The following STT3B variants were observed in gnomAD, a reference collection of about 807,000 sequenced individuals.
STT3B encodes dolichyl-diphosphooligosaccharide--protein glycosyltransferase subunit STT3B.
In STT3B, 29 loss-of-function variants were observed where a neutral mutation model predicts 96.8. That is an observed-to-expected ratio of 0.30 (90% confidence interval 0.22 to 0.41). STT3B has a LOEUF of 0.41. STT3B is among the 10% of genes least tolerant of loss of function. STT3B has a pLI of 1.00. For synonymous variants in STT3B, 367 were observed against 360.0 expected (o/e 1.02, Z -0.22); for missense variants, 640 against 1,022.3 (o/e 0.63, Z 5.10).
At chr3:31,545,376 T>C (rs1697380955) in intron 1 of STT3B, among the ~76,000 whole-genome samples, 1 of 152,228 alleles carries the variant, frequency 6.6e-6, no homozygotes, top group Admixed American at 6.5e-5. Flanking sequence ...ATAATCATTC[T>C]GGACATTTGA....
chr3:31,588,029 AACTT>A (rs945107184), intron 3 of STT3B, among the ~76,000 whole-genome samples: 5 of 152,260 alleles, frequency 3.3e-5, no homozygotes, highest in East Asian at 1.9e-4. Flanking sequence ...AGCCTAAGAA[AACTT>A]ACTATTTTGT....
At chr3:31,598,924 C>T (rs544086659) in intron 4 of STT3B, among the ~76,000 whole-genome samples, 4 of 152,196 alleles carry the variant, frequency 2.6e-5, no homozygotes, top group East Asian at 1.9e-4. Flanking sequence ...ATTCTCCTGC[C>T]TCAGCCTCCC....
intron 4 of STT3B, among the ~76,000 whole-genome samples, chr3:31,600,002 G>T (rs996552646): frequency 6.6e-6 from 1 of 151,836 alleles, no homozygotes; most frequent in African/African-American, 2.4e-5. Context: ...GGTAAAACCC[G>T]TTTTTTTATT....
At chr3:31,549,702 A>G (rs1433935506) in intron 1 of STT3B, among the ~76,000 whole-genome samples, 1 of 152,212 alleles carries the variant, frequency 6.6e-6, no homozygotes, top group East Asian at 1.9e-4. Flanking sequence ...TGTCTAATTT[A>G]GATAATATCT....
chr3:31,578,155 G>T (rs1489444544), intron 2 of STT3B, among the ~76,000 whole-genome samples: 1 of 152,090 alleles, frequency 6.6e-6, no homozygotes, highest in African/African-American at 2.4e-5. Context: ...GCATTGGAAG[G>T]CTTGATGGAT....
intron 1 of STT3B, among the ~76,000 whole-genome samples, chr3:31,565,942 T>G (rs916728660): frequency 8.5e-5 from 13 of 152,332 alleles, no homozygotes; most frequent in East Asian, 3.9e-4. Context: ...ACTACACCAG[T>G]GGTTTTTGTT....
At chr3:31,555,703 T>C (rs1452559314) in intron 1 of STT3B, among the ~76,000 whole-genome samples, 1 of 152,122 alleles carries the variant, frequency 6.6e-6, no homozygotes, top group Non-Finnish European at 1.5e-5. Flanking sequence ...ACCAGAAAAG[T>C]GATAAACTAG....
chr3:31,612,879 T>C (rs900234583), intron 5 of STT3B, among the ~76,000 whole-genome samples: 5 of 152,224 alleles, frequency 3.3e-5, no homozygotes, highest in Non-Finnish European at 7.4e-5. Flanking sequence ...TGTATTTGTG[T>C]ACCCATATAC....
At chr3:31,611,320 A>G (rs1182092861) in intron 5 of STT3B, among the ~76,000 whole-genome samples, 1 of 152,160 alleles carries the variant, frequency 6.6e-6, no homozygotes, top group African/African-American at 2.4e-5. Flanking sequence ...TTAGCAATTT[A>G]TCTGACTCTT....
At chr3:31,589,524 C>T (rs1305676603) in intron 3 of STT3B, among the ~76,000 whole-genome samples, 1 of 151,836 alleles carries the variant, frequency 6.6e-6, no homozygotes, top group Non-Finnish European at 1.5e-5. Context: ...GTCCTGATCT[C>T]AGGGGGCATG....
At chr3:31,626,176 C>A in intron 13 of STT3B, 49 bp downstream of exon 13, 1 of 1,485,540 alleles carries the variant, frequency 6.7e-7, no homozygotes, top group Non-Finnish European at 9.3e-7. Flanking sequence ...TCACTGTGTC[C>A]TCGTAATTCT....
At chr3:31,570,815 A>G (rs887915622) in intron 1 of STT3B, among the ~76,000 whole-genome samples, 4 of 152,104 alleles carry the variant, frequency 2.6e-5, no homozygotes, top group African/African-American at 7.2e-5. Context: ...ACACGGATGT[A>G]AGGAAAGGAG....
chr3:31,548,348 T>G (rs866833394), intron 1 of STT3B, among the ~76,000 whole-genome samples: 1 of 152,060 alleles, frequency 6.6e-6, no homozygotes, highest in Non-Finnish European at 1.5e-5. Flanking sequence ...AAAAAATGTT[T>G]CTGTGAAACC....
chr3:31,561,758 A>G (rs1225393138), intron 1 of STT3B, among the ~76,000 whole-genome samples: 1 of 152,028 alleles, frequency 6.6e-6, no homozygotes, highest in Admixed American at 6.5e-5. Context: ...ATCTGGTGTA[A>G]TGGCATTTTT....
At position 31,629,312 on chromosome 3, in the gene STT3B, T is replaced by C. The variant is rs1320076128; in HGVS notation, c.2088T>C (p.Phe696=). 36 of 1,602,004 alleles carry C rather than the reference T, an allele frequency of 2.2e-5. No homozygotes were observed. Among genetic ancestry groups the C allele is most frequent in the Non-Finnish European group, 3.1e-5 (36 of 1,171,316 alleles). The part of the protein sequence containing the change: ...HPKDIRESDY[F]TPQGEFRVDK... Reference sequence around the variant, plus strand: ...CTTTCTTGTAGGAAAGTGACTATTTTACCCCACAGGGAGAATTCCGTGTAG... The same window carrying C: ...CTTTCTTGTAGGAAAGTGACTATTTCACCCCACAGGGAGAATTCCGTGTAG... The change falls in exon 14 of 16, where the codon TTT becomes TTC. Residue 696 remains phenylalanine (F), a synonymous_variant. Coordinates refer to ENST00000295770, the MANE Select transcript of STT3B (RefSeq NM_178862.3).
chr3:31,587,483 A>G (rs1233685266), intron 3 of STT3B, among the ~76,000 whole-genome samples: 1 of 151,786 alleles, frequency 6.6e-6, no homozygotes. Context: ...GCCTCAAGCT[A>G]CCCTCCCACC....
intron 1 of STT3B, among the ~76,000 whole-genome samples, chr3:31,553,524 C>T (rs776916644): frequency 2.6e-5 from 4 of 152,032 alleles, no homozygotes; most frequent in Non-Finnish European, 5.9e-5. Flanking sequence ...AGTAGAATTA[C>T]GATTATTCCA....
chr3:31,610,116 T>C (rs190657805), intron 5 of STT3B, among the ~76,000 whole-genome samples: 3 of 152,350 alleles, frequency 2.0e-5, no homozygotes, highest in East Asian at 3.9e-4. Context: ...TTTTTTGTTG[T>C]TTTATTCTTT....
At chr3:31,608,810 G>A (rs947764565) in intron 5 of STT3B, among the ~76,000 whole-genome samples, 2 of 152,200 alleles carry the variant, frequency 1.3e-5, no homozygotes, top group East Asian at 1.9e-4. Flanking sequence ...TACAGTAGTA[G>A]TCGACAATAA....
Sources: allele counts gnomAD v4.1 joint callset (sites outside exome capture counted in the v4.1 genomes callset), GRCh38; gene constraint gnomAD v4.1.1; transcripts MANE v1.5; gene names NCBI Gene and HGNC (gene_info 2026-07-23, HGNC 2026-07-21).